The following CRIM1 variants were observed in gnomAD, a reference collection of about 807,000 sequenced individuals.
The protein encoded by CRIM1 is cysteine-rich motor neuron 1 protein.
A neutral mutation model predicts 116.4 loss-of-function variants in CRIM1; 32 were observed. The observed-to-expected ratio is 0.27, with a 90% confidence interval of 0.21 to 0.37. The LOEUF (loss-of-function observed/expected upper bound fraction) is 0.37. CRIM1 is among the 10% of genes least tolerant of loss of function. The pLI, the probability that CRIM1 is intolerant of heterozygous loss-of-function variation, is 1.00. For synonymous variants in CRIM1, 590 were observed against 509.2 expected (o/e 1.16, Z -2.13); for missense variants, 1,331 against 1,354.8 (o/e 0.98, Z 0.28).
At chr2:36,442,766 T>C (rs1675957132) in intron 4 of CRIM1, 31 bp downstream of exon 4, 1 of 1,613,504 alleles carries the variant, frequency 6.2e-7, no homozygotes, top group African/African-American at 1.3e-5. Flanking sequence ...TCAAGTTTTC[T>C]CCTCATTTGT....
Position 36,506,179 on chromosome 2 carries a change from T to TCA in CRIM1, c.1502-3803_1502-3802insAC, listed in dbSNP as rs1160271063. The stretch of plus-strand genomic sequence containing the variant: ...CACACTCTCTCTCTCTCTCTCTCTC[T>TCA]CTCACACACACACACACACACACAC... On this transcript the variant is annotated intron_variant, in intron 8 of 16. Transcript: ENST00000280527. Among the ~76,000 whole-genome samples, 35 of 91,798 alleles carry TCA rather than the reference T, an allele frequency of 3.8e-4. 1 individual carries two copies. Among genetic ancestry groups the TCA allele is most frequent in the South Asian group, 7.7e-4 (2 of 2,604 alleles). The allele number at this position is 91,798 out of a possible 152,430, so 60.2% of individuals were successfully genotyped here. A position where few individuals can be genotyped will look rare whatever the true frequency, so the allele number is the denominator to read the frequency against.
chr2:36,469,937 A>G (rs1318945772), intron 5 of CRIM1, among the ~76,000 whole-genome samples: 1 of 152,152 alleles, frequency 6.6e-6, no homozygotes. Flanking sequence ...TCCAGCACAC[A>G]CACACACTTC....
chr2:36,394,158 A>G (rs1477194484), intron 1 of CRIM1, among the ~76,000 whole-genome samples: 2 of 152,208 alleles, frequency 1.3e-5, no homozygotes, highest in Non-Finnish European at 2.9e-5. Context: ...ATAACTGCAC[A>G]TATTTATAAG....
chr2:36,415,863 C>G (rs1196766620), intron 2 of CRIM1, among the ~76,000 whole-genome samples: 1 of 152,154 alleles, frequency 6.6e-6, no homozygotes, highest in Non-Finnish European at 1.5e-5. Flanking sequence ...AAAGCAGGGA[C>G]GGTGCCTGGC....
At chr2:36,498,129 A>G (rs1680733378) in intron 7 of CRIM1, among the ~76,000 whole-genome samples, 1 of 152,224 alleles carries the variant, frequency 6.6e-6, no homozygotes, top group Non-Finnish European at 1.5e-5. Flanking sequence ...ACGTTAGTAT[A>G]TTTTTGTTGA....
chr2:36,429,402 C>T (rs1674701079), intron 2 of CRIM1, among the ~76,000 whole-genome samples: 1 of 152,168 alleles, frequency 6.6e-6, no homozygotes, highest in African/African-American at 2.4e-5. Flanking sequence ...TTGCCTGTTC[C>T]CTCCATTGTA....
At position 36,396,666 on chromosome 2, in the gene CRIM1, C is replaced by T. The variant is rs376430746; in HGVS notation, c.384C>T (p.Asn128=). 2 of 1,612,778 alleles carry T rather than the reference C, an allele frequency of 1.2e-6. No individual in the cohort carries two copies. Among genetic ancestry groups the T allele is most frequent in the African/African-American group, 2.7e-5 (2 of 74,894 alleles). Reference sequence around the variant, plus strand: ...TTGGTTTTAAACCATGCAATGAAAACCTTATTGCTGGCTGCAATATAATCA... The same window carrying T: ...TTGGTTTTAAACCATGCAATGAAAATCTTATTGCTGGCTGCAATATAATCA... ...QLLGFKPCNE[N]LIAGCNIING... is the part of the protein sequence containing the mutation. The change falls in exon 2 of 17, where the codon AAC becomes AAT. Residue 128 remains asparagine (N), a synonymous_variant. Transcript: ENST00000280527.
intron 1 of CRIM1, among the ~76,000 whole-genome samples, chr2:36,365,088 C>G (rs925284189): frequency 3.3e-5 from 5 of 151,914 alleles, no homozygotes; most frequent in African/African-American, 7.3e-5. Context: ...AGAAAAGAAC[C>G]GTGAAGTACC....
At chr2:36,407,718 AAAAG>A (rs1223530070) in intron 2 of CRIM1, among the ~76,000 whole-genome samples, 2 of 152,092 alleles carry the variant, frequency 1.3e-5, no homozygotes, top group South Asian at 2.1e-4. Context: ...AAAAAAAAAA[AAAAG>A]GAAGTCACGA....
At chr2:36,369,557 A>T (rs1007205090) in intron 1 of CRIM1, among the ~76,000 whole-genome samples, 5 of 152,124 alleles carry the variant, frequency 3.3e-5, no homozygotes, top group Admixed American at 2.6e-4. Context: ...AAATGTTTGC[A>T]GGGGGAGCTT....
At chr2:36,460,971 G>A (rs1212157796) in intron 4 of CRIM1, among the ~76,000 whole-genome samples, 1 of 152,134 alleles carries the variant, frequency 6.6e-6, no homozygotes, top group Admixed American at 6.6e-5. Flanking sequence ...AGCAAAGTGC[G>A]GACTTATTTG....
chr2:36,544,337 G>T (rs758923143), intron 14 of CRIM1, 39 bp from the exon 15 acceptor site: 5 of 1,313,476 alleles, frequency 3.8e-6, no homozygotes, highest in Non-Finnish European at 4.9e-6. Context: ...CAATACAGCA[G>T]CTTCATCATC....
chr2:36,437,845 G>A (rs1675438580), intron 2 of CRIM1, among the ~76,000 whole-genome samples: 1 of 151,918 alleles, frequency 6.6e-6, no homozygotes, highest in Non-Finnish European at 1.5e-5. Context: ...TAAAGAGTGG[G>A]ATAACCAGCC....
chr2:36,543,123 T>C (rs1309278118), intron 14 of CRIM1, among the ~76,000 whole-genome samples: 1 of 152,198 alleles, frequency 6.6e-6, no homozygotes, highest in Non-Finnish European at 1.5e-5. Context: ...CAGAAGACTA[T>C]TCTTGGAGGC....
intron 2 of CRIM1, among the ~76,000 whole-genome samples, chr2:36,415,945 C>T (rs1168317809): frequency 2.0e-5 from 3 of 152,182 alleles, no homozygotes; most frequent in Non-Finnish European, 2.9e-5. Flanking sequence ...CAGTGGCTCA[C>T]GCCTGTAATC....
chr2:36,448,437 C>A lies in CRIM1; in HGVS notation c.869+5702C>A, dbSNP rs529873860. On this transcript the variant is annotated intron_variant, in intron 4 of 16. Coordinates refer to ENST00000280527, the MANE Select transcript of CRIM1 (RefSeq NM_016441.3). ...AGTGTTTTCTCTGCACTTCCTACTC[C>A]TTGCTCTCTCCAGTGTTTGGACCTA... 2.6e-5 allele frequency among the ~76,000 whole-genome samples: 4 copies of A among 152,348 alleles called. No homozygotes were observed. The South Asian group carries it at 8.3e-4, about 32-fold the overall frequency.
At chr2:36,466,164 G>T (rs576382217) in intron 5 of CRIM1, among the ~76,000 whole-genome samples, 65 of 152,236 alleles carry the variant, frequency 4.3e-4, no homozygotes, top group African/African-American at 1.5e-3. Flanking sequence ...GGGATTACAC[G>T]TGTGAGCCAC....
At chr2:36,367,762 A>G (rs1167133798) in intron 1 of CRIM1, among the ~76,000 whole-genome samples, 1 of 152,236 alleles carries the variant, frequency 6.6e-6, no homozygotes, top group Non-Finnish European at 1.5e-5. Flanking sequence ...CAGTGGAGAC[A>G]GTAAAGCGTA....
chr2:36,476,070 A>C (rs1200535310), intron 5 of CRIM1, among the ~76,000 whole-genome samples: 2 of 152,008 alleles, frequency 1.3e-5, no homozygotes, highest in African/African-American at 4.8e-5. Flanking sequence ...TTTTAAATCA[A>C]CTAAAATTAA....
Sources: allele counts gnomAD v4.1 joint callset (sites outside exome capture counted in the v4.1 genomes callset), GRCh38; gene constraint gnomAD v4.1.1; transcripts MANE v1.5; gene names NCBI Gene and HGNC (gene_info 2026-07-23, HGNC 2026-07-21).